Variants in ARHGAP32 observed in about 807,000 individuals in gnomAD.
The protein encoded by ARHGAP32 is Rho GTPase activating protein 32, also known as rho GTPase-activating protein 32.
A neutral mutation model predicts 186.5 loss-of-function variants in ARHGAP32; 51 were observed. That is an observed-to-expected ratio of 0.27 (90% CI 0.22 to 0.35). ARHGAP32 has a LOEUF of 0.35. Ranked by LOEUF, ARHGAP32 falls within the 10% of genes least tolerant of loss-of-function variation. ARHGAP32 has a pLI of 1.00. For missense variants in ARHGAP32, 2,186 were observed against 2,623.5 expected, an observed-to-expected ratio of 0.83 and a Z score of 3.64; for synonymous variants, 950 against 964.3, an observed-to-expected ratio of 0.99 and a Z score of 0.27.
intron 8 of ARHGAP32, among the ~76,000 whole-genome samples, chr11:129,064,504 T>C (rs1249228621): frequency 6.6e-6 from 1 of 152,136 alleles, no homozygotes; most frequent in East Asian, 1.9e-4. Flanking sequence ...CTTTAAAAAG[T>C]TGTCCCTTGC....
intron 5 of ARHGAP32, among the ~76,000 whole-genome samples, chr11:129,106,527 G>C (rs1023682008): frequency 6.6e-6 from 1 of 151,846 alleles, no homozygotes; most frequent in African/African-American, 2.4e-5. Flanking sequence ...ACTAGATAGG[G>C]GAGGGTGGCA....
intron 11 of ARHGAP32, among the ~76,000 whole-genome samples, chr11:129,006,323 T>C (rs1016479285): frequency 1.3e-5 from 2 of 152,180 alleles, no homozygotes; most frequent in Non-Finnish European, 2.9e-5. Flanking sequence ...CAGGTATTTA[T>C]TGTAGTCTTC....
chr11:129,103,112 A>C (rs932876678), intron 5 of ARHGAP32, among the ~76,000 whole-genome samples: 1 of 152,214 alleles, frequency 6.6e-6, no homozygotes, highest in African/African-American at 2.4e-5. Flanking sequence ...ACAGGGATGA[A>C]CACTGTGCTC....
intron 1 of ARHGAP32, among the ~76,000 whole-genome samples, chr11:129,263,179 G>A (rs917877109): frequency 1.3e-5 from 2 of 152,074 alleles, no homozygotes; most frequent in Non-Finnish European, 2.9e-5. Context: ...ACTGGATTTG[G>A]CAATAATTTT....
intron 10 of ARHGAP32, among the ~76,000 whole-genome samples, chr11:129,048,182 A>G (rs1052694471): frequency 2.0e-5 from 3 of 152,100 alleles, no homozygotes; most frequent in Non-Finnish European, 4.4e-5. Flanking sequence ...CCATTTAAAT[A>G]AAAAATTACT....
intron 2 of ARHGAP32, among the ~76,000 whole-genome samples, chr11:129,137,464 C>G (rs1020879641): frequency 5.3e-5 from 8 of 151,754 alleles, no homozygotes; most frequent in Admixed American, 5.2e-4. Flanking sequence ...TAAGTTGGTA[C>G]CTTAAGCACA....
rs957731685 is a variant in ARHGAP32 at position 128,974,404 on chromosome 11, T to A, written c.2793A>T (p.Pro931=). The part of the protein sequence containing the change: ...ISEPISVTLP[P]RVSEVIGTVS... ...CTGTACCAATGACTTCTGACACCCGTGGTGGTAGGGTCACTGAAATTGGCT... is the reference window on the plus strand; with the variant it reads ...CTGTACCAATGACTTCTGACACCCGAGGTGGTAGGGTCACTGAAATTGGCT... The change falls in exon 21 of 23, where the codon CCA becomes CCT. Residue 931 remains proline, a synonymous_variant. Coordinates refer to ENST00000682385, the MANE Select transcript of ARHGAP32 (RefSeq NM_001378024.1). 1.9e-6 allele frequency: 3 copies of A among 1,614,026 alleles called. No individual in the cohort carries two copies. In the African/African-American group the frequency reaches 4.0e-5, roughly 22 times the overall value.
In ARHGAP32 at chr11:128,985,992, C is replaced by T; in HGVS notation, c.1526+11G>A. 1 of 1,598,884 alleles carries T rather than the reference C, an allele frequency of 6.3e-7. No individual in the cohort carries two copies. ...TCTACCTCTGCCTGGTATTTACCCA[C>T]TGTGGCTGACCTGTAGTGTGGTGGG... On this transcript the variant is annotated intron_variant, in intron 15 of 22. Coordinates refer to ENST00000682385, the MANE Select transcript of ARHGAP32 (RefSeq NM_001378024.1).
At chr11:129,191,669 C>G (rs1001755879) in intron 1 of ARHGAP32, among the ~76,000 whole-genome samples, 65 of 74,240 alleles carry the variant, frequency 8.8e-4, no homozygotes, top group South Asian at 2.2e-3. Flanking sequence ...CAGGCAGGCA[C>G]GCACACACAC....
chr11:129,158,777 T>G (rs757369819), intron 2 of ARHGAP32, among the ~76,000 whole-genome samples: 23 of 152,210 alleles, frequency 1.5e-4, no homozygotes, highest in Non-Finnish European at 2.9e-4. Flanking sequence ...CAGCACCATA[T>G]CGCATGTATT....
intron 5 of ARHGAP32, among the ~76,000 whole-genome samples, chr11:129,099,745 T>G (rs1468601745): frequency 6.6e-6 from 1 of 151,566 alleles, no homozygotes; most frequent in African/African-American, 2.4e-5. Context: ...AAGATACAAT[T>G]ATAAGCAGTG....
intron 2 of ARHGAP32, among the ~76,000 whole-genome samples, chr11:129,137,244 G>C (rs2135418181): frequency 6.6e-6 from 1 of 151,656 alleles, no homozygotes. Flanking sequence ...AAAATGGGAA[G>C]ATAAACTAAA....
intron 6 of ARHGAP32, among the ~76,000 whole-genome samples, chr11:129,092,323 G>A (rs1327032490): frequency 6.6e-6 from 1 of 151,780 alleles, no homozygotes; most frequent in Non-Finnish European, 1.5e-5. Flanking sequence ...TGAGAAAAAA[G>A]AGATGCTAAA....
At chr11:129,268,664 C>CAAAAAA (rs58858606) in intron 1 of ARHGAP32, among the ~76,000 whole-genome samples, 801 of 46,398 alleles carry the variant, frequency 0.017, 84 homozygotes, top group East Asian at 0.024. Context: ...GCCTCCTCAC[C>CAAAAAA]AAAAAAAAAA....
chr11:129,230,766 A>G (rs550490318), intron 1 of ARHGAP32, among the ~76,000 whole-genome samples: 7 of 152,216 alleles, frequency 4.6e-5, no homozygotes, highest in African/African-American at 1.7e-4. Flanking sequence ...CATCAAATCA[A>G]TAACTGGTTA....
chr11:129,151,323 A>G (rs1041073521), intron 2 of ARHGAP32, among the ~76,000 whole-genome samples: 2 of 152,170 alleles, frequency 1.3e-5, no homozygotes, highest in Non-Finnish European at 2.9e-5. Context: ...CAAAGTACAG[A>G]AAGTCAACAA....
At chr11:129,218,508 C>T (rs947335198) in intron 1 of ARHGAP32, among the ~76,000 whole-genome samples, 1 of 151,976 alleles carries the variant, frequency 6.6e-6, no homozygotes, top group Non-Finnish European at 1.5e-5. Flanking sequence ...TAAATTAGCT[C>T]AAGTGTCATC....
At chr11:129,268,795 T>A (rs1945438906) in intron 1 of ARHGAP32, among the ~76,000 whole-genome samples, 1 of 150,812 alleles carries the variant, frequency 6.6e-6, no homozygotes, top group Non-Finnish European at 1.5e-5. Context: ...CAACTTTCTC[T>A]ACTGCTACCA....
intron 1 of ARHGAP32, among the ~76,000 whole-genome samples, chr11:129,174,471 G>T (rs1468879461): frequency 6.6e-6 from 1 of 152,206 alleles, no homozygotes; most frequent in African/African-American, 2.4e-5. Flanking sequence ...GCCTCTGTAG[G>T]CTCCACCTCT....
Sources: allele counts gnomAD v4.1 joint callset (sites outside exome capture counted in the v4.1 genomes callset), GRCh38; gene constraint gnomAD v4.1.1; transcripts MANE v1.5; gene names NCBI Gene and HGNC (gene_info 2026-07-23, HGNC 2026-07-21).